Variants in CNTN5 observed in about 807,000 individuals in gnomAD.
CNTN5 encodes the protein contactin-5.
In CNTN5, 77 loss-of-function variants were observed where a neutral mutation model predicts 129.1. The ratio of observed to expected loss-of-function variants is 0.60; its 90% CI spans 0.50 to 0.72. The LOEUF is 0.72. Among genes scored for constraint, CNTN5 ranks in the 30% least tolerant of loss-of-function variants. The pLI is 0.00. For synonymous variants in CNTN5, 509 were observed against 465.6 expected, an observed-to-expected ratio of 1.09 and a Z score of -1.20; for missense variants, 1,478 against 1,328.8, an observed-to-expected ratio of 1.11 and a Z score of -1.75.
At position 99,712,140 on chromosome 11, in the gene CNTN5, CTGT is replaced by C. The variant is rs1024834082; in HGVS notation, c.56-107399_56-107397del. ...TATTTCTCCACGTCCTCTCCAGCAT[CTGT>C]TGTTTCTTGACTTTAATGATCGCCA... On this transcript the variant is annotated intron_variant, in intron 3 of 24. Transcript: ENST00000524871. 3.2e-4 allele frequency among the ~76,000 whole-genome samples: 48 copies of C among 152,226 alleles called. 1 individual carries two copies. The highest frequency in any genetic ancestry group is 5.2e-4 in the Admixed American group (8 of 15,286).
chr11:99,257,222 CAA>C (rs1862414159), intron 1 of CNTN5, among the ~76,000 whole-genome samples: 1 of 152,062 alleles, frequency 6.6e-6, no homozygotes, highest in Non-Finnish European at 1.5e-5. Context: ...AGCATCTTCA[CAA>C]ATATTTACTC....
At chr11:99,143,296 T>C (rs1186237561) in intron 1 of CNTN5, among the ~76,000 whole-genome samples, 1 of 140,932 alleles carries the variant, frequency 7.1e-6, no homozygotes, top group Non-Finnish European at 1.5e-5. Flanking sequence ...TTTTAAAATA[T>C]ACATGTAAAA....
intron 1 of CNTN5, among the ~76,000 whole-genome samples, chr11:99,298,759 A>G (rs1864495732): frequency 6.6e-6 from 1 of 152,078 alleles, no homozygotes; most frequent in African/African-American, 2.4e-5. Context: ...CTAATGGCTA[A>G]TGTCAGCATA....
At chr11:99,030,776 C>A (rs1591070322) in intron 1 of CNTN5, among the ~76,000 whole-genome samples, 2 of 123,878 alleles carry the variant, frequency 1.6e-5, no homozygotes, top group African/African-American at 6.4e-5. Context: ...CTAATGCTAA[C>A]TCTCTTTTTT....
intron 1 of CNTN5, among the ~76,000 whole-genome samples, chr11:99,299,682 G>A (rs1030549517): frequency 1.2e-4 from 19 of 152,102 alleles, no homozygotes; most frequent in African/African-American, 4.6e-4. Flanking sequence ...TTCACTAGGA[G>A]TGATGGTCCC....
At chr11:99,737,056 T>C (rs1943733044) in intron 3 of CNTN5, among the ~76,000 whole-genome samples, 1 of 152,126 alleles carries the variant, frequency 6.6e-6, no homozygotes, top group African/African-American at 2.4e-5. Context: ...AGTTTCAGAA[T>C]AGTCTCCACG....
chr11:99,642,189 T>C (rs2135846303), intron 3 of CNTN5, among the ~76,000 whole-genome samples: 1 of 152,286 alleles, frequency 6.6e-6, no homozygotes, highest in Non-Finnish European at 1.5e-5. Context: ...TGTTATGTAA[T>C]AGGAGAAAAT....
chr11:99,912,704 C>T (rs1222815927), intron 6 of CNTN5, among the ~76,000 whole-genome samples: 1 of 149,058 alleles, frequency 6.7e-6, no homozygotes, highest in Non-Finnish European at 1.5e-5. Context: ...CTCCAAGCTA[C>T]AGTTCTAGTT....
At chr11:99,987,592 AT>A (rs1440025203) in intron 8 of CNTN5, among the ~76,000 whole-genome samples, 7 of 151,550 alleles carry the variant, frequency 4.6e-5, no homozygotes, top group Admixed American at 1.3e-4. Flanking sequence ...GAGGAAAGAG[AT>A]TAACTTGGTG....
chr11:99,711,353 A>T (rs565574267), intron 3 of CNTN5, among the ~76,000 whole-genome samples: 1 of 152,050 alleles, frequency 6.6e-6, no homozygotes, highest in African/African-American at 2.4e-5. Context: ...TCATGGTTTA[A>T]TCACAGCTAT....
At chr11:99,580,214 T>C (rs191601171) in intron 3 of CNTN5, among the ~76,000 whole-genome samples, 5 of 152,108 alleles carry the variant, frequency 3.3e-5, no homozygotes, top group African/African-American at 4.8e-5. Context: ...TTTTGATGTG[T>C]TGCTGGATTC....
At chr11:99,778,767 A>C (rs1945211982) in intron 3 of CNTN5, among the ~76,000 whole-genome samples, 1 of 151,940 alleles carries the variant, frequency 6.6e-6, no homozygotes, top group South Asian at 2.1e-4. Flanking sequence ...TATTTTGGTA[A>C]GAAATAAAAA....
At chr11:99,930,995 A>AAATT (rs1458391999) in intron 7 of CNTN5, among the ~76,000 whole-genome samples, 1 of 152,160 alleles carries the variant, frequency 6.6e-6, no homozygotes, top group Non-Finnish European at 1.5e-5. Flanking sequence ...AAAAATGTAT[A>AAATT]AATTATATAC....
At chr11:99,445,625 T>C (rs911827810) in intron 2 of CNTN5, among the ~76,000 whole-genome samples, 3 of 152,202 alleles carry the variant, frequency 2.0e-5, no homozygotes, top group Non-Finnish European at 4.4e-5. Context: ...TTTTATTCTA[T>C]CCTCAAAGAG....
chr11:100,027,233 A>G (rs959804700), intron 9 of CNTN5, among the ~76,000 whole-genome samples: 1 of 152,140 alleles, frequency 6.6e-6, no homozygotes, highest in Non-Finnish European at 1.5e-5. Context: ...TTTGTATTAG[A>G]TGTCAGAAAT....
intron 6 of CNTN5, among the ~76,000 whole-genome samples, chr11:99,878,585 C>T (rs778513882): frequency 2.0e-5 from 3 of 152,168 alleles, no homozygotes; most frequent in Admixed American, 1.3e-4. Flanking sequence ...AAGATGATAC[C>T]TCTGGCTCAC....
chr11:100,121,005 A>G (rs1303220068), intron 13 of CNTN5, among the ~76,000 whole-genome samples: 1 of 151,962 alleles, frequency 6.6e-6, no homozygotes, highest in Non-Finnish European at 1.5e-5. Flanking sequence ...AAGTTTGCTG[A>G]AAACCCATTC....
chr11:99,164,716 A>G (rs1004245464), intron 1 of CNTN5, among the ~76,000 whole-genome samples: 6 of 152,236 alleles, frequency 3.9e-5, no homozygotes, highest in Non-Finnish European at 7.3e-5. Context: ...GTAAAATAAT[A>G]CATGAAAATT....
At chr11:99,597,281 C>G (rs559974284) in intron 3 of CNTN5, among the ~76,000 whole-genome samples, 4 of 152,282 alleles carry the variant, frequency 2.6e-5, no homozygotes, top group Non-Finnish European at 5.9e-5. Flanking sequence ...ACCCCTGTAG[C>G]AAGTCGTCTA....
Sources: allele counts gnomAD v4.1 joint callset (sites outside exome capture counted in the v4.1 genomes callset), GRCh38; gene constraint gnomAD v4.1.1; transcripts MANE v1.5; gene names NCBI Gene and HGNC (gene_info 2026-07-23, HGNC 2026-07-21).